The following PLCXD3 variants were observed in gnomAD, a reference collection of about 807,000 sequenced individuals.
PLCXD3 encodes phosphatidylinositol specific phospholipase C X domain containing 3.
Under a neutral mutation model 25.5 loss-of-function variants are expected in PLCXD3, and 19 were observed. The observed-to-expected ratio is 0.75, with a 90% confidence interval of 0.52 to 1.09. The LOEUF is 1.09. PLCXD3 is among the 50% of genes least tolerant of loss of function. The probability of loss-of-function intolerance (pLI) is 0.00; values close to 1 mark genes in which losing one functional copy is unlikely to be tolerated. For missense variants in PLCXD3, 411 were observed against 388.1 expected, an observed-to-expected ratio of 1.06 and a Z score of -0.50; for synonymous variants, 174 against 137.6, an observed-to-expected ratio of 1.26 and a Z score of -1.85.
intron 2 of PLCXD3, among the ~76,000 whole-genome samples, chr5:41,333,815 CTATT>C (rs1310752213): frequency 3.3e-5 from 5 of 152,040 alleles, no homozygotes; most frequent in African/African-American, 1.2e-4. Flanking sequence ...TTTATTATAA[CTATT>C]TAGGTGTAAA....
intron 1 of PLCXD3, among the ~76,000 whole-genome samples, chr5:41,471,383 G>T (rs140158209): frequency 2.0e-5 from 3 of 152,274 alleles, no homozygotes; most frequent in African/African-American, 4.8e-5. Flanking sequence ...GTGAGACATT[G>T]CACTGAATGC....
chr5:41,494,839 G>A (rs1302848216), intron 1 of PLCXD3, among the ~76,000 whole-genome samples: 1 of 152,124 alleles, frequency 6.6e-6, no homozygotes, highest in Non-Finnish European at 1.5e-5. Context: ...TGAGCCCAAG[G>A]TAATCTAAGA....
chr5:41,504,652 A>T (rs546562135), intron 1 of PLCXD3, among the ~76,000 whole-genome samples: 2 of 152,332 alleles, frequency 1.3e-5, no homozygotes, highest in South Asian at 4.1e-4. Context: ...TAGTAATACT[A>T]GTGATATTTT....
chr5:41,319,352 T>C (rs758864444), intron 2 of PLCXD3, among the ~76,000 whole-genome samples: 2 of 152,170 alleles, frequency 1.3e-5, no homozygotes, highest in Non-Finnish European at 2.9e-5. Flanking sequence ...GGATAGACCA[T>C]ATTTTAGGTC....
rs186036450 is a variant in PLCXD3 at position 41,472,513 on chromosome 5, T to C, written c.103+37911A>G. On this transcript the variant is annotated intron_variant, in intron 1 of 2. Coordinates refer to ENST00000377801, the MANE Select transcript of PLCXD3 (RefSeq NM_001005473.3). ...GTGATAGCATTGGAAATGGCTATTATTATTAAATTTTCATCCAAGTGGATT... is the reference window on the plus strand; with the variant it reads ...GTGATAGCATTGGAAATGGCTATTACTATTAAATTTTCATCCAAGTGGATT... Among the ~76,000 whole-genome samples the C allele has an allele frequency of 4.6e-5, 7 of 152,356 alleles. No individual in the cohort carries two copies. In the East Asian group the frequency reaches 1.2e-3, roughly 25 times the overall value.
At chr5:41,367,223 C>G (rs1744961304) in intron 2 of PLCXD3, among the ~76,000 whole-genome samples, 1 of 151,860 alleles carries the variant, frequency 6.6e-6, no homozygotes. Flanking sequence ...ACATTGTCTT[C>G]CACAATGGTT....
chr5:41,428,162 C>T (rs1318423682), intron 1 of PLCXD3, among the ~76,000 whole-genome samples: 4 of 152,118 alleles, frequency 2.6e-5, no homozygotes, highest in Non-Finnish European at 5.9e-5. Flanking sequence ...AAGCCAGTTC[C>T]TCTGGCATTC....
chr5:41,313,325 A>G lies in PLCXD3; in HGVS notation c.*292T>C, dbSNP rs1053951631. 24 of 326,288 alleles carry G rather than the reference A, an allele frequency of 7.4e-5. No homozygotes were observed. Among genetic ancestry groups the G allele is most frequent in the African/African-American group, 4.7e-4 (21 of 44,922 alleles). The allele number at this position is 326,288 out of a possible 1,614,324, so 20.2% of individuals were successfully genotyped here. ...AGAGAACCTAATCAAGTAAACACTC[A>G]TGAATTCTATGTTACAAAGACTAAT... is the stretch of plus-strand genomic sequence containing the variant. On this transcript the variant is annotated 3_prime_UTR_variant, in exon 3 of 3. Transcript: ENST00000377801.
At chr5:41,411,130 A>C (rs988589316) in intron 1 of PLCXD3, among the ~76,000 whole-genome samples, 1 of 152,306 alleles carries the variant, frequency 6.6e-6, no homozygotes, top group South Asian at 2.1e-4. Flanking sequence ...CAAATACAAA[A>C]CCTGGCAAAT....
chr5:41,394,407 G>T (rs1303578826), intron 1 of PLCXD3, among the ~76,000 whole-genome samples: 1 of 152,004 alleles, frequency 6.6e-6, no homozygotes, highest in Non-Finnish European at 1.5e-5. Context: ...GGAAAGTAAA[G>T]AAGACCATAA....
At chr5:41,333,165 T>C (rs894640899) in intron 2 of PLCXD3, among the ~76,000 whole-genome samples, 6 of 152,006 alleles carry the variant, frequency 3.9e-5, no homozygotes, top group African/African-American at 1.4e-4. Flanking sequence ...GTCAATGGCT[T>C]GTGACTGCCC....
At position 41,307,128 on chromosome 5, in the gene PLCXD3, C is replaced by T. The variant is rs963836609; in HGVS notation, c.*6489G>A. On this transcript the variant is annotated 3_prime_UTR_variant, in exon 3 of 3. Transcript: ENST00000377801. The stretch of plus-strand genomic sequence containing the variant: ...ATAACCAGATCCTAAAAAGAGAAGG[C>T]ACAGATCTGTCTCTCTCTGGTGAAT... 1 of 152,544 alleles carries T rather than the reference C, an allele frequency of 6.6e-6. No homozygotes were observed. The highest frequency in any genetic ancestry group is 2.4e-5 in the African/African-American group (1 of 41,426). The allele number at this position is 152,544 out of a possible 1,614,324, so 9.4% of individuals were successfully genotyped here. A position where few individuals can be genotyped will look rare whatever the true frequency, so the allele number is the denominator to read the frequency against.
At chr5:41,459,920 A>G (rs1747837545) in intron 1 of PLCXD3, among the ~76,000 whole-genome samples, 1 of 151,932 alleles carries the variant, frequency 6.6e-6, no homozygotes, top group Non-Finnish European at 1.5e-5. Flanking sequence ...GAGGGAAAGG[A>G]GAAATTATTA....
intron 1 of PLCXD3, among the ~76,000 whole-genome samples, chr5:41,393,816 G>C (rs1371732700): frequency 6.6e-6 from 1 of 152,094 alleles, no homozygotes; most frequent in Non-Finnish European, 1.5e-5. Context: ...TGTAGTCCCA[G>C]CTACTTAGGA....
At chr5:41,367,569 C>A (rs320622) in intron 2 of PLCXD3, among the ~76,000 whole-genome samples, 139,462 of 152,144 alleles carry the variant, frequency 0.92, 64,337 homozygotes, top group African/African-American at 0.96. Flanking sequence ...GATTGCAAAA[C>A]TTTTCTCCCA....
intron 1 of PLCXD3, among the ~76,000 whole-genome samples, chr5:41,387,129 G>A (rs1020024644): frequency 6.6e-6 from 1 of 151,976 alleles, no homozygotes; most frequent in Non-Finnish European, 1.5e-5. Context: ...CCAATCACTG[G>A]ACCCAAGATG....
intron 1 of PLCXD3, among the ~76,000 whole-genome samples, chr5:41,443,621 G>A (rs1298705458): frequency 6.6e-6 from 1 of 152,190 alleles, no homozygotes; most frequent in African/African-American, 2.4e-5. Flanking sequence ...AGCATGGAGG[G>A]TGAAAAGAAG....
chr5:41,436,395 T>C (rs761582034), intron 1 of PLCXD3, among the ~76,000 whole-genome samples: 1 of 152,128 alleles, frequency 6.6e-6, no homozygotes, highest in Non-Finnish European at 1.5e-5. Flanking sequence ...TTACTTAATG[T>C]CTCTAAGCCT....
intron 2 of PLCXD3, among the ~76,000 whole-genome samples, chr5:41,320,850 T>C (rs1743447248): frequency 6.6e-6 from 1 of 152,214 alleles, no homozygotes. Context: ...GAAAACCATA[T>C]GATCATCTCA....
Sources: gnomAD v4.1 joint callset for allele counts (sites outside exome capture counted in the v4.1 genomes callset) on GRCh38, gnomAD v4.1.1 for gene constraint, MANE v1.5 for transcripts, NCBI Gene and HGNC (gene_info 2026-07-23, HGNC 2026-07-21) for gene names.